The following RBP5 variants were observed in gnomAD, a reference collection of about 807,000 sequenced individuals.
RBP5 encodes the protein retinol-binding protein 5.
Under a neutral mutation model 17.8 loss-of-function variants are expected in RBP5, and 12 were observed. The ratio of observed to expected loss-of-function variants is 0.67; its 90% confidence interval spans 0.43 to 1.09. The LOEUF is 1.09. Among genes scored for constraint, RBP5 ranks in the 50% least tolerant of loss-of-function variants. The pLI, the probability that RBP5 is intolerant of heterozygous loss-of-function variation, is 0.00. For missense variants in RBP5, 172 were observed against 169.4 expected (o/e 1.02, Z -0.09); for synonymous variants, 64 against 68.1 (o/e 0.94, Z 0.30).
rs1027447245 is a variant in RBP5 at position 7,128,623 on chromosome 12, C to T, written c.73+80G>A. Reference sequence around the variant, plus strand: ...CACAGTGTCCAACCCCGGGCATTCCCTCTTCTCCATGGGACCAAGAAGCAG... The same window carrying T: ...CACAGTGTCCAACCCCGGGCATTCCTTCTTCTCCATGGGACCAAGAAGCAG... On this transcript the variant is annotated intron_variant, in intron 1 of 3. Coordinates refer to ENST00000266560, the MANE Select transcript of RBP5 (RefSeq NM_031491.4). The surrounding 1 kb of genome is among the most constrained non-coding windows in gnomAD (Gnocchi z 5.3). The T allele has an allele frequency of 2.2e-5, 30 of 1,380,000 alleles. No individual in the cohort carries two copies. In the South Asian group the frequency reaches 3.5e-4, roughly 16 times the overall value. 85.5% of individuals were successfully genotyped at this position (1,380,000 alleles called of 1,614,324 possible).
At chr12:7,127,059 C>T (rs1939182164) in intron 2 of RBP5, among the ~76,000 whole-genome samples, 1 of 137,768 alleles carries the variant, frequency 7.3e-6, no homozygotes, top group African/African-American at 2.8e-5. Flanking sequence ...GTGGTGCGAT[C>T]TTGGCTCACT....
In RBP5 at chr12:7,124,733, A is replaced by G. The variant is rs998683193; in HGVS notation, c.253-3T>C. 2 of 1,578,152 alleles carry G rather than the reference A, an allele frequency of 1.3e-6. No homozygotes were observed. Among genetic ancestry groups the G allele is most frequent in the Admixed American group, 1.7e-5 (1 of 59,878 alleles). On this transcript the variant is annotated splice_polypyrimidine_tract_variant and splice_region_variant and intron_variant, in intron 2 of 3. Coordinates refer to ENST00000266560, the MANE Select transcript of RBP5 (RefSeq NM_031491.4). This position sits in a 1 kb window ranked among gnomAD's most constrained non-coding sequence, Gnocchi z 5.3. ...TCCTCCTCCCAGGTTACTATGGTCT[A>G]TAGGGGAAAGAGGGAGTAAAGAAAG...
rs1939116734 is a variant in RBP5 at position 7,123,906 on chromosome 12, G to C, written c.*215C>G. 1.9e-5 allele frequency: 10 copies of C among 526,728 alleles called. No individual in the cohort carries two copies. In the South Asian group the frequency reaches 2.8e-4, roughly 15 times the overall value. The allele number at this position is 526,728 out of a possible 1,614,324, so 32.6% of individuals were successfully genotyped here. A position where few individuals can be genotyped will look rare whatever the true frequency, so the allele number is the denominator to read the frequency against. On this transcript the variant is annotated 3_prime_UTR_variant, in exon 4 of 4. Coordinates refer to ENST00000266560, the MANE Select transcript of RBP5 (RefSeq NM_031491.4). ...TGGGACGCCAGACCTTGACCTGGAA[G>C]TGAGGTCACTATTGGGCAGTGGAGT...
chr12:7,127,809 G>A, intron 2 of RBP5: 1 of 676,518 alleles, frequency 1.5e-6, no homozygotes, highest in South Asian at 1.5e-5. Flanking sequence ...ACTCTGCGGA[G>A]AAAACTCCAG....
At position 7,124,121 on chromosome 12, in the gene RBP5, C is replaced by G. The variant is rs370678382; in HGVS notation, c.408G>C (p.Ter136TyrextTer50). The G allele has an allele frequency of 6.2e-7, 1 of 1,613,914 alleles. No homozygotes were observed. The highest frequency in any genetic ancestry group is 8.5e-7 in the Non-Finnish European group (1 of 1,179,974). The change falls in exon 4 of 4, where the codon TAG becomes TAC. Residue 136 changes from the stop codon to tyrosine (Y), a stop_lost. Transcript: ENST00000266560. This position sits in a 1 kb window ranked among gnomAD's most constrained non-coding sequence, Gnocchi z 5.3. ...VCEQVFRKVR[*>Y] is the part of the protein sequence containing the mutation. Reference sequence around the variant, plus strand: ...TGGAGGGATCTTGGCTCCTCTCCGGCTATCTGACCTTCCTGAAGACCTGCT... The same window carrying G: ...TGGAGGGATCTTGGCTCCTCTCCGGGTATCTGACCTTCCTGAAGACCTGCT...
In RBP5 at chr12:7,128,566, C is replaced by A; in HGVS notation, c.73+137G>T. On this transcript the variant is annotated intron_variant, in intron 1 of 3. Transcript: ENST00000266560. This position sits in a 1 kb window ranked among gnomAD's most constrained non-coding sequence, Gnocchi z 5.3. ...TACCAATGCCTGGTTAGAAATGGAT[C>A]CCAGGTCTGGTGCCAGCCGCCTGAG... 5 of 1,184,338 alleles carry A rather than the reference C, an allele frequency of 4.2e-6. No individual in the cohort carries two copies. The highest frequency in any genetic ancestry group is 1.3e-5 in the South Asian group (1 of 74,432). 73.4% of individuals were successfully genotyped at this position (1,184,338 alleles called of 1,614,324 possible). A position where few individuals can be genotyped will look rare whatever the true frequency, so the allele number is the denominator to read the frequency against.
upstream of RBP5, chr12:7,129,888 G>A: frequency 2.8e-5 from 25 of 877,392 alleles, no homozygotes; most frequent in Non-Finnish European, 3.4e-5. The surrounding 1 kb of genome is among the most constrained non-coding windows in gnomAD (Gnocchi z 5.5). Context: ...CCTCGATACC[G>A]CCCTGCGGAC....
upstream of RBP5, chr12:7,129,552 C>A: frequency 1.1e-6 from 1 of 924,610 alleles, no homozygotes; most frequent in Non-Finnish European, 1.3e-6. This position sits in a 1 kb window ranked among gnomAD's most constrained non-coding sequence, Gnocchi z 5.5. Flanking sequence ...GGCTTGGGAC[C>A]CAGGGGGTTT....
chr12:7,125,150 G>T (rs1014159982), intron 2 of RBP5, among the ~76,000 whole-genome samples: 1 of 152,086 alleles, frequency 6.6e-6, no homozygotes, highest in Non-Finnish European at 1.5e-5. Context: ...CAAGTGATCC[G>T]CCCGCCACCG....
At chr12:7,116,612 G>A (rs1017297246) in exon 4 of RBP5, 1 of 152,202 alleles carries the variant, frequency 6.6e-6, no homozygotes, top group Non-Finnish European at 1.5e-5. Context: ...CAGGACTCAG[G>A]TGGGTGGGCC....
chr12:7,123,271 C>T (rs1939106553), downstream of RBP5, among the ~76,000 whole-genome samples: 1 of 152,222 alleles, frequency 6.6e-6, no homozygotes, highest in Non-Finnish European at 1.5e-5. Context: ...TGGTCTCCAG[C>T]CTTGCTGGCC....
Position 7,124,546 on chromosome 12 carries a change from T to G in RBP5, c.354+83A>C, listed in dbSNP as rs915608931. On this transcript the variant is annotated intron_variant, in intron 3 of 3. Transcript: ENST00000266560. This position sits in a 1 kb window ranked among gnomAD's most constrained non-coding sequence, Gnocchi z 5.3. The stretch of plus-strand genomic sequence containing the variant: ...GATTGGGGCTGGGCTGGGGGAAGAG[T>G]GGTGGACCTATCTGGTTTGGACAAG... 6.7e-5 allele frequency: 52 copies of G among 780,684 alleles called. No homozygotes were observed. The East Asian group carries it at 1.3e-3, about 19-fold the overall frequency. 48.4% of individuals were successfully genotyped at this position (780,684 alleles called of 1,614,324 possible). A position where few individuals can be genotyped will look rare whatever the true frequency, so the allele number is the denominator to read the frequency against.
exon 4 of RBP5, chr12:7,116,829 T>C (rs1017432125): frequency 2.0e-5 from 3 of 151,748 alleles, no homozygotes; most frequent in African/African-American, 7.3e-5. Flanking sequence ...TTAGCGAATA[T>C]TGAGGTTATG....
At position 7,117,329 on chromosome 12, in the gene RBP5, C is replaced by T. The variant is rs1294721040; in HGVS notation, n.890-22G>A. On this transcript the variant is annotated intron_variant and non_coding_transcript_variant, in intron 3 of 3. Coordinates refer to the RBP5 transcript ENST00000619522. The surrounding 1 kb of genome is among the most constrained non-coding windows in gnomAD (Gnocchi z 4.9). ...CAACCCGATGTGGAAGGAGACATCA[C>T]AAGGACAGGAATACTGGGAAGCAGG... is the stretch of plus-strand genomic sequence containing the variant. 1.3e-5 allele frequency: 2 copies of T among 152,184 alleles called. No individual in the cohort carries two copies. The highest frequency in any genetic ancestry group is 4.8e-5 in the African/African-American group (2 of 41,434). 9.4% of individuals were successfully genotyped at this position (152,184 alleles called of 1,614,324 possible). A position where few individuals can be genotyped will look rare whatever the true frequency, so the allele number is the denominator to read the frequency against.
At chr12:7,129,750 G>A, upstream of RBP5, 2 of 985,564 alleles carry the variant, frequency 2.0e-6, no homozygotes, top group Non-Finnish European at 2.4e-6. The surrounding 1 kb of genome is among the most constrained non-coding windows in gnomAD (Gnocchi z 5.5). Flanking sequence ...ACTGGGCTTG[G>A]TTCATCATGG....
rs34814371 is a variant in RBP5 at position 7,124,646 on chromosome 12, C to T, written c.337G>A (p.Gly113Arg). 5.6e-3 allele frequency: 8,977 copies of T among 1,606,152 alleles called. 459 individuals are homozygous for T. The African/African-American group carries it at 0.11, about 19-fold the overall frequency. Residue 113 changes from glycine to arginine, a missense_variant, in exon 3 of 4, where the codon GGA (glycine) becomes AGA (arginine). Transcript: ENST00000266560. The surrounding 1 kb of genome is among the most constrained non-coding windows in gnomAD (Gnocchi z 5.3). ...PNRGWRHWLE[G>R]EMLYLELTAR... is the part of the protein sequence containing the mutation. ...CCATTTACCAGATACAGCATCTCTCCCTCCAGCCAGTGTCTCCAGCCCCGG... is the reference window on the plus strand; with the variant it reads ...CCATTTACCAGATACAGCATCTCTCTCTCCAGCCAGTGTCTCCAGCCCCGG...
chr12:7,122,805 T>C (rs1939098411), downstream of RBP5, among the ~76,000 whole-genome samples: 1 of 152,126 alleles, frequency 6.6e-6, no homozygotes, highest in Non-Finnish European at 1.5e-5. Context: ...CACTCTACTG[T>C]GGACATCTGC....
chr12:7,129,013 G>A, upstream of RBP5: 1 of 482,378 alleles, frequency 2.1e-6, no homozygotes, highest in Non-Finnish European at 3.8e-6. This position sits in a 1 kb window ranked among gnomAD's most constrained non-coding sequence, Gnocchi z 5.5. Context: ...TGAAGGAGGG[G>A]CAGGGATTTG....
chr12:7,118,324 C>T (rs1939032309), intron 3 of RBP5: 1 of 152,332 alleles, frequency 6.6e-6, no homozygotes, highest in South Asian at 2.1e-4. Context: ...GAGAGGAATC[C>T]AAGAGGAGGA....
Sources: gnomAD v4.1 joint callset for allele counts (sites outside exome capture counted in the v4.1 genomes callset) on GRCh38, gnomAD v4.1.1 for gene constraint, Gnocchi (gnomAD v3.1) non-coding constraint, MANE v1.5 for transcripts, NCBI Gene and HGNC (gene_info 2026-07-23, HGNC 2026-07-21) for gene names.